The following SERPINB13 variants were observed in gnomAD, a reference collection of about 807,000 sequenced individuals.
SERPINB13 encodes serpin family B member 13.
Under a neutral mutation model 31.2 loss-of-function variants are expected in SERPINB13, and 26 were observed. The observed-to-expected ratio is 0.83, with a 90% CI of 0.61 to 1.15. SERPINB13 has a LOEUF of 1.15. SERPINB13 is among the 50% of genes most tolerant of loss of function. The pLI is 0.00. For missense variants in SERPINB13, 510 were observed against 469.4 expected (o/e 1.09, Z -0.80); for synonymous variants, 191 against 172.4 (o/e 1.11, Z -0.85).
Position 63,589,680 on chromosome 18 carries a change from A to G in SERPINB13, c.190A>G (p.Lys64Glu). The G allele has an allele frequency of 6.2e-7, 1 of 1,613,800 alleles. No individual in the cohort carries two copies. The highest frequency in any genetic ancestry group is 8.5e-7 in the Non-Finnish European group (1 of 1,179,822). ...GGTGTTTCACTCTGAAAAAGAGACG[A>G]AGAGCTCAAGAATAAAGGCTGAAGA... is the stretch of plus-strand genomic sequence containing the variant. Reference protein sequence around the residue: ...EEVFHSEKETKSSRIKAEEKE... With the variant: ...EEVFHSEKETESSRIKAEEKE... Residue 64 changes from lysine to glutamate, a missense_variant, in exon 3 of 8, where the codon AAG becomes GAG. Transcript: ENST00000344731.
intron 2 of SERPINB13, among the ~76,000 whole-genome samples, 190 bp downstream of exon 2, chr18:63,589,022 C>T (rs1455558): frequency 6.6e-6 from 1 of 151,954 alleles, no homozygotes; most frequent in African/African-American, 2.4e-5. Context: ...AATACCATCT[C>T]GCCACCTGCT....
At chr18:63,591,416 C>CTTTT (rs1911845777) in intron 3 of SERPINB13, among the ~76,000 whole-genome samples, 1 of 148,738 alleles carries the variant, frequency 6.7e-6, no homozygotes, top group Non-Finnish European at 1.5e-5. Context: ...TCTTTCCTTC[C>CTTTT]TTCCTTCCTT....
intron 3 of SERPINB13, among the ~76,000 whole-genome samples, chr18:63,591,592 T>C (rs1911857258): frequency 6.6e-6 from 1 of 152,184 alleles, no homozygotes; most frequent in African/African-American, 2.4e-5. Context: ...ACACTTGCAA[T>C]ACATCTAGTT....
At chr18:63,596,769 T>C (rs1282223317) in intron 7 of SERPINB13, among the ~76,000 whole-genome samples, 190 bp from the exon 8 acceptor site, 2 of 152,188 alleles carry the variant, frequency 1.3e-5, no homozygotes, top group African/African-American at 4.8e-5. Context: ...TTTCCACATA[T>C]ACACAGATAA....
At position 63,589,676 on chromosome 18, in the gene SERPINB13, G is replaced by A. The variant is rs762255341; in HGVS notation, c.186G>A (p.Glu62=). 1.9e-6 allele frequency: 3 copies of A among 1,613,792 alleles called. No individual in the cohort carries two copies. The change falls in exon 3 of 8, where the codon GAG becomes GAA. Residue 62 remains glutamate (E), a synonymous_variant. Transcript: ENST00000344731. ...TCCAGGTGTTTCACTCTGAAAAAGAGACGAAGAGCTCAAGAATAAAGGCTG... is the reference window on the plus strand; with the variant it reads ...TCCAGGTGTTTCACTCTGAAAAAGAAACGAAGAGCTCAAGAATAAAGGCTG... ...QLEEVFHSEK[E]TKSSRIKAEE...
At chr18:63,589,991 C>T (rs1387319637) in intron 3 of SERPINB13, 17 of 456,254 alleles carry the variant, frequency 3.7e-5, no homozygotes, top group Non-Finnish European at 5.9e-5. Context: ...CAGAAAAGTT[C>T]CCATAGCAGA....
chr18:63,589,414 C>T (rs1462318006), intron 2 of SERPINB13, among the ~76,000 whole-genome samples: 4 of 151,454 alleles, frequency 2.6e-5, no homozygotes, highest in African/African-American at 9.7e-5. Context: ...AAGATCATGC[C>T]ACTTCACTCC....
Position 63,597,117 on chromosome 18 carries a change from T to C in SERPINB13, c.930T>C (p.Ser310=), listed in dbSNP as rs1483758044. ...CCATGGGGATGGGCGATGCCTTCAG[T>C]GAGCACAAAGCCGACTACTCGGGAA... is the stretch of plus-strand genomic sequence containing the variant. ...LAAMGMGDAF[S]EHKADYSGMS... Residue 310 remains serine, a synonymous_variant, in exon 8 of 8, where the codon AGT becomes AGC. Transcript: ENST00000344731. 1 of 1,614,202 alleles carries C rather than the reference T, an allele frequency of 6.2e-7. No individual in the cohort carries two copies. The highest frequency in any genetic ancestry group is 8.5e-7 in the Non-Finnish European group (1 of 1,180,030).
chr18:63,588,594 C>A, intron 1 of SERPINB13, 57 bp from the exon 2 acceptor site: 2 of 1,522,840 alleles, frequency 1.3e-6, no homozygotes, highest in Non-Finnish European at 1.8e-6. Context: ...AGAAAGGATT[C>A]CCCTGACACA....
At chr18:63,593,709 T>A (rs1217752317) in intron 5 of SERPINB13, among the ~76,000 whole-genome samples, 1 of 5,042 alleles carries the variant, frequency 2.0e-4, no homozygotes, top group African/African-American at 2.5e-3. Flanking sequence ...TCAGAATGTG[T>A]TTTTTTTTTC....
intron 1 of SERPINB13, among the ~76,000 whole-genome samples, chr18:63,587,973 A>T (rs1013040591): frequency 1.3e-5 from 2 of 152,246 alleles, no homozygotes; most frequent in African/African-American, 2.4e-5. Context: ...AGAAAAGTAT[A>T]AAAAAGAAAA....
At position 63,588,770 on chromosome 18, in the gene SERPINB13, T is replaced by C; in HGVS notation, c.103T>C (p.Leu35=). ...GNIFFSPVGI[L]TAIGMVLLGT... ...CATCTTCTTTTCCCCTGTGGGCATCTTGACTGCAATTGGCATGGTCCTCCT... is the reference window on the plus strand; with the variant it reads ...CATCTTCTTTTCCCCTGTGGGCATCCTGACTGCAATTGGCATGGTCCTCCT... The change falls in exon 2 of 8, where the codon TTG becomes CTG. Residue 35 remains leucine (L), a synonymous_variant. Transcript: ENST00000344731. 6.2e-7 allele frequency: 1 copy of C among 1,614,196 alleles called. No homozygotes were observed.
Position 63,598,393 on chromosome 18 carries a change from T to A in SERPINB13, c.*1030T>A, listed in dbSNP as rs1456628646. The A allele has an allele frequency of 6.6e-6, 1 of 152,170 alleles. No homozygotes were observed. Among genetic ancestry groups the A allele is most frequent in the Non-Finnish European group, 1.5e-5 (1 of 68,014 alleles). The allele number at this position is 152,170 out of a possible 1,614,324, so 9.4% of individuals were successfully genotyped here. Reference sequence around the variant, plus strand: ...TCGCCACAATCCAGTTTTAGAATATTTCCATGACCCTAAGAAGTTTCCTCA... The same window carrying A: ...TCGCCACAATCCAGTTTTAGAATATATCCATGACCCTAAGAAGTTTCCTCA... On this transcript the variant is annotated 3_prime_UTR_variant, in exon 8 of 8. Coordinates refer to ENST00000344731, the MANE Select transcript of SERPINB13 (RefSeq NM_012397.4).
At position 63,597,389 on chromosome 18, in the gene SERPINB13, C is replaced by T. The variant is rs762535070; in HGVS notation, c.*26C>T. The T allele has an allele frequency of 6.4e-7, 1 of 1,572,282 alleles. No homozygotes were observed. Among genetic ancestry groups the T allele is most frequent in the South Asian group, 1.2e-5 (1 of 84,698 alleles). ...GATGATCGTTGCCATGGCATTGCTG[C>T]TTTTAGCAAAAAACAACTACCAGTG... On this transcript the variant is annotated 3_prime_UTR_variant, in exon 8 of 8. Coordinates refer to ENST00000344731, the MANE Select transcript of SERPINB13 (RefSeq NM_012397.4).
At position 63,596,982 on chromosome 18, in the gene SERPINB13, G is replaced by T; in HGVS notation, c.795G>T (p.Glu265Asp). 6.2e-7 allele frequency: 1 copy of T among 1,610,654 alleles called. No homozygotes were observed. The part of the protein sequence containing the change: ...LEKIIDKISP[E>D]KLVEWTSPGH... ...AGATAATAGATAAAATAAGTCCTGA[G>T]AAATTGGTAGAGTGGACTAGTCCAG... is the stretch of plus-strand genomic sequence containing the variant. The change falls in exon 8 of 8, where the codon GAG becomes GAT. Residue 265 changes from glutamate (E) to aspartate (D), a missense_variant. By Grantham distance (45) the Glu-to-Asp change is conservative. Transcript: ENST00000344731.
rs761385994 is a variant in SERPINB13, at chr18:63,588,822, A to T, written c.155A>T (p.Gln52Leu). 2.5e-6 allele frequency: 4 copies of T among 1,613,752 alleles called. No homozygotes were observed. The highest frequency in any genetic ancestry group is 3.4e-6 in the Non-Finnish European group (4 of 1,179,914). The change falls in exon 2 of 8, where the codon CAG (glutamine) becomes CTG (leucine). Residue 52 changes from glutamine (Q) to leucine (L), a missense_variant. Transcript: ENST00000344731. ...LLGTRGATAS[Q>L]LEEVFHSEKE... ...GGGACCCGAGGAGCCACCGCTTCCC[A>T]GTTGGAGGAGGTTGGGCGCAGTCAG...
intron 5 of SERPINB13, 55 bp from the exon 6 acceptor site, chr18:63,594,300 A>T: frequency 1.2e-6 from 2 of 1,609,216 alleles, no homozygotes; most frequent in Non-Finnish European, 1.7e-6. Context: ...TTTGTCATAC[A>T]TATTATTTGT....
chr18:63,591,605 A>T (rs578186615), intron 3 of SERPINB13, among the ~76,000 whole-genome samples: 1 of 152,290 alleles, frequency 6.6e-6, no homozygotes, highest in East Asian at 1.9e-4. Context: ...ATCTAGTTTG[A>T]ATCCAGATGT....
Position 63,588,736 on chromosome 18 carries a change from T to C in SERPINB13, c.69T>C (p.Asn23=). 1 of 1,614,202 alleles carries C rather than the reference T, an allele frequency of 6.2e-7. No homozygotes were observed. Residue 23 remains asparagine (N), a synonymous_variant, in exon 2 of 8, where the codon AAT becomes AAC. Transcript: ENST00000344731. ...FDLFKELKKT[N]DGNIFFSPVG... is the part of the protein sequence containing the mutation. ...TTTTCAAAGAGCTGAAGAAAACAAA[T>C]GATGGCAACATCTTCTTTTCCCCTG...
Sources: allele counts gnomAD v4.1 joint callset (sites outside exome capture counted in the v4.1 genomes callset), GRCh38; gene constraint gnomAD v4.1.1; transcripts MANE v1.5; gene names NCBI Gene and HGNC (gene_info 2026-07-23, HGNC 2026-07-21).